Variants in P2RY8 observed in about 807,000 individuals in gnomAD.
P2RY8 encodes the protein S-geranylgeranyl-glutathione receptor P2RY8.
A neutral mutation model predicts 10.0 loss-of-function variants in P2RY8; 6 were observed. That is an observed-to-expected ratio of 0.60 (90% CI 0.33 to 1.19). The LOEUF is 1.19. Ranked by LOEUF, P2RY8 falls within the 50% of genes most tolerant of loss-of-function variation. The pLI, the probability that P2RY8 is intolerant of heterozygous loss-of-function variation, is 0.04. For missense variants in P2RY8, 456 were observed against 542.0 expected, an observed-to-expected ratio of 0.84 and a Z score of 1.58; for synonymous variants, 276 against 252.5, an observed-to-expected ratio of 1.09 and a Z score of -0.88.
At position 1,466,442 on chromosome X, in the gene P2RY8, C is replaced by G; in HGVS notation, c.117G>C (p.Pro39=). 1 of 1,612,676 alleles carries G rather than the reference C, an allele frequency of 6.2e-7. No homozygotes were observed. Among genetic ancestry groups the G allele is most frequent in the South Asian group, 1.1e-5 (1 of 91,034 alleles). The change falls in exon 2 of 2, where the codon CCG becomes CCC. Residue 39 remains proline (P), a synonymous_variant. Transcript: ENST00000381297. ...GCACCCACAGAGAGAAGAGGTTGCC[C>G]GGGATGCTGACCGCCGCCACCAGCG... ...VYSLVAAVSI[P]GNLFSLWVLC...
chrX:1,513,186 A>G (rs2092312625), intron 1 of P2RY8, among the ~76,000 whole-genome samples: 1 of 151,628 alleles, frequency 6.6e-6, no homozygotes, highest in Non-Finnish European at 1.5e-5. Context: ...ACGTCCCTGC[A>G]AAGGATATGA....
At chrX:1,493,448 AG>A (rs1569537405) in intron 1 of P2RY8, among the ~76,000 whole-genome samples, 4 of 77,074 alleles carry the variant, frequency 5.2e-5, no homozygotes, top group East Asian at 1.6e-3. Flanking sequence ...AGGAGGAGGA[AG>A]GAGGAAGGAG....
At chrX:1,469,062 TCCTTCCCTCTCC>T (rs556331964) in intron 1 of P2RY8, among the ~76,000 whole-genome samples, 461 of 6,566 alleles carry the variant, frequency 0.07, 134 homozygotes, top group South Asian at 0.12. Flanking sequence ...CTCTCCCCTC[TCCTTCCCTCTCC>T]CCTTCCCTCT....
chrX:1,506,666 G>A (rs780706323), intron 1 of P2RY8, among the ~76,000 whole-genome samples: 1 of 149,388 alleles, frequency 6.7e-6, no homozygotes. Flanking sequence ...TCACTTGCTG[G>A]CCACTTTCTT....
intron 1 of P2RY8, among the ~76,000 whole-genome samples, chrX:1,532,430 CAT>C (rs1485789973): frequency 8.6e-5 from 12 of 139,778 alleles, no homozygotes; most frequent in African/African-American, 2.6e-4. Flanking sequence ...TATATATACA[CAT>C]ATATGTATAT....
At chrX:1,468,323 C>T (rs1239205101) in intron 1 of P2RY8, among the ~76,000 whole-genome samples, 6 of 152,234 alleles carry the variant, frequency 3.9e-5, no homozygotes, top group East Asian at 1.9e-4. Flanking sequence ...CCTACGGTGG[C>T]GGCCTCACCC....
At chrX:1,469,443 A>G (rs1188571377) in intron 1 of P2RY8, among the ~76,000 whole-genome samples, 1 of 151,884 alleles carries the variant, frequency 6.6e-6, no homozygotes, top group Non-Finnish European at 1.5e-5. Context: ...CTGGGATGAC[A>G]GTCGTGAGCC....
In P2RY8 at chrX:1,465,446, C is replaced by T. The variant is rs751257430; in HGVS notation, c.*33G>A. The T allele has an allele frequency of 2.2e-5, 34 of 1,563,316 alleles. No homozygotes were observed. The highest frequency in any genetic ancestry group is 3.6e-5 in the South Asian group (3 of 83,944). The stretch of plus-strand genomic sequence containing the variant: ...CATGCGCCCCTGGATCTCCAAGCTG[C>T]GCCCCCGGCTCTCCAAGCTGCGCCC... On this transcript the variant is annotated 3_prime_UTR_variant, in exon 2 of 2. Transcript: ENST00000381297.
At chrX:1,503,014 T>G (rs1223532168) in intron 1 of P2RY8, among the ~76,000 whole-genome samples, 1 of 152,070 alleles carries the variant, frequency 6.6e-6, no homozygotes, top group African/African-American at 2.4e-5. Flanking sequence ...CTTTGCAGAT[T>G]TAATGAGTTA....
rs1366940723 is a variant in P2RY8, at chrX:1,501,592, T to TA, written c.-24-35011_-24-35010insT. On this transcript the variant is annotated intron_variant, in intron 1 of 1. Transcript: ENST00000381297. ...CCCCGTCTTAGTTTTCATTTTTATT[T>TA]TTTATTATTATTATTATTTGAGACA... Among the ~76,000 whole-genome samples, 110 of 151,772 alleles carry TA rather than the reference T, an allele frequency of 7.2e-4. 1 individual carries two copies. The South Asian group carries it at 0.011, about 15-fold the overall frequency.
At chrX:1,527,629 C>G (rs1569538800) in intron 1 of P2RY8, among the ~76,000 whole-genome samples, 1 of 151,892 alleles carries the variant, frequency 6.6e-6, no homozygotes, top group Non-Finnish European at 1.5e-5. Flanking sequence ...CATTCATCTA[C>G]TCATTCATTC....
At chrX:1,526,397 C>T (rs1267046116) in intron 1 of P2RY8, among the ~76,000 whole-genome samples, 1 of 151,208 alleles carries the variant, frequency 6.6e-6, no homozygotes, top group Non-Finnish European at 1.5e-5. Flanking sequence ...ATTCACTCAC[C>T]CATTCATTTA....
intron 1 of P2RY8, among the ~76,000 whole-genome samples, chrX:1,521,855 AAG>A (rs1268921827): frequency 2.7e-5 from 4 of 150,862 alleles, no homozygotes; most frequent in Non-Finnish European, 5.9e-5. Context: ...GGGTCCCGCG[AAG>A]AGTGTTTATA....
intron 1 of P2RY8, among the ~76,000 whole-genome samples, chrX:1,531,165 T>C (rs1344655961): frequency 2.0e-5 from 3 of 152,192 alleles, no homozygotes; most frequent in East Asian, 1.9e-4. Context: ...CCTGGAGACA[T>C]TGAGTAATAT....
At chrX:1,466,603 G>C in intron 1 of P2RY8, 21 bp from the exon 2 acceptor site, 1 of 1,570,082 alleles carries the variant, frequency 6.4e-7, no homozygotes, top group Non-Finnish European at 8.6e-7. Flanking sequence ...AGGAGGGAAG[G>C]GTGTACGGGT....
At chrX:1,486,416 A>C (rs1285749802) in intron 1 of P2RY8, among the ~76,000 whole-genome samples, 2 of 152,224 alleles carry the variant, frequency 1.3e-5, no homozygotes, top group Admixed American at 6.5e-5. Context: ...CCGAGGCTAC[A>C]CTGTGGATGA....
intron 1 of P2RY8, among the ~76,000 whole-genome samples, chrX:1,485,213 C>T (rs1445457275): frequency 1.3e-5 from 2 of 151,930 alleles, no homozygotes; most frequent in East Asian, 1.9e-4. Context: ...TGGCGGCTCA[C>T]GGCAACCTTC....
chrX:1,525,346 G>C (rs773845380), intron 1 of P2RY8, among the ~76,000 whole-genome samples: 2 of 152,258 alleles, frequency 1.3e-5, no homozygotes, highest in African/African-American at 4.8e-5. Flanking sequence ...TTTGGGTGGG[G>C]ACTTAATCCT....
At chrX:1,536,860 C>T (rs1180429125) in intron 1 of P2RY8, 61 bp downstream of exon 1, 16 of 208,558 alleles carry the variant, frequency 7.7e-5, no homozygotes, top group Non-Finnish European at 1.4e-4. Context: ...ACCCTCCCAG[C>T]GACCCTGTCT....
Sources: gnomAD v4.1 joint callset for allele counts (sites outside exome capture counted in the v4.1 genomes callset) on GRCh38, gnomAD v4.1.1 for gene constraint, MANE v1.5 for transcripts, NCBI Gene and HGNC (gene_info 2026-07-23, HGNC 2026-07-21) for gene names.